Variants in HTR2C observed in about 807,000 individuals in gnomAD.
HTR2C encodes the protein 5-hydroxytryptamine receptor 2C, also known as 5-hydroxytryptamine (serotonin) receptor 2C, G protein-coupled.
A neutral mutation model predicts 21.0 loss-of-function variants in HTR2C; 5 were observed. That is an observed-to-expected ratio of 0.24 (90% CI 0.12 to 0.50). The LOEUF (loss-of-function observed/expected upper bound fraction) is 0.50, where lower values mean the gene tolerates loss of function less well. Ranked by LOEUF, HTR2C falls within the 20% of genes least tolerant of loss-of-function variation. The probability of loss-of-function intolerance (pLI) is 0.98; values close to 1 mark genes in which losing one functional copy is unlikely to be tolerated. For synonymous variants in HTR2C, 150 were observed against 145.3 expected, an observed-to-expected ratio of 1.03 and a Z score of -0.23; for missense variants, 271 against 371.2, an observed-to-expected ratio of 0.73 and a Z score of 2.22.
intron 1 of HTR2C, among the ~76,000 whole-genome samples, chrX:114,610,810 A>T (rs1427202237): frequency 1.8e-5 from 2 of 110,801 alleles, no homozygotes; most frequent in African/African-American, 3.3e-5. Context: ...ATTAGCTGAG[A>T]GGAAAAAAAT....
At chrX:114,749,532 G>A (rs2069741172) in intron 4 of HTR2C, among the ~76,000 whole-genome samples, 1 of 103,237 alleles carries the variant, frequency 9.7e-6, no homozygotes, top group South Asian at 4.4e-4. Flanking sequence ...AAAGCAGACA[G>A]TTACCCTGAA....
intron 2 of HTR2C, among the ~76,000 whole-genome samples, chrX:114,652,098 A>G (rs939011859): frequency 1.8e-5 from 2 of 111,326 alleles, no homozygotes; most frequent in South Asian, 7.5e-4. Flanking sequence ...AAAATTTCAC[A>G]TAATTTCCAG....
At chrX:114,594,662 G>A (rs1055938913) in intron 1 of HTR2C, among the ~76,000 whole-genome samples, 5 of 111,676 alleles carry the variant, frequency 4.5e-5, no homozygotes, top group Non-Finnish European at 9.4e-5. Flanking sequence ...GCTTCAGAAA[G>A]AGAGATTACA....
chrX:114,855,841 G>A (rs1214691977), intron 5 of HTR2C, among the ~76,000 whole-genome samples: 1 of 77,708 alleles, frequency 1.3e-5, no homozygotes, highest in Non-Finnish European at 2.3e-5. Flanking sequence ...TCAGGTCTAA[G>A]TTTTCTTTCT....
chrX:114,807,191 A>G, intron 4 of HTR2C, among the ~76,000 whole-genome samples: 1 of 1,043 alleles, frequency 9.6e-4, no homozygotes, highest in African/African-American at 1.3e-3. Context: ...GTATATATAC[A>G]CCATATATAT....
chrX:114,768,935 C>T (rs1282691000), intron 4 of HTR2C, among the ~76,000 whole-genome samples: 1 of 110,507 alleles, frequency 9.0e-6, no homozygotes, highest in African/African-American at 3.3e-5. Flanking sequence ...TTGAAGTAAA[C>T]AAAAGATCTT....
At chrX:114,784,169 A>G (rs1556441314) in intron 4 of HTR2C, among the ~76,000 whole-genome samples, 1 of 109,500 alleles carries the variant, frequency 9.1e-6, no homozygotes, top group Non-Finnish European at 1.9e-5. Flanking sequence ...CAAACCACTG[A>G]CTAGATTGAT....
intron 4 of HTR2C, among the ~76,000 whole-genome samples, chrX:114,830,666 TTTTA>T (rs201365938): frequency 0.1 from 2,947 of 29,547 alleles, 52 homozygotes; most frequent in Non-Finnish European, 0.14. Flanking sequence ...ATAAACTTTA[TTTTA>T]TTTTTTTATG....
At chrX:114,703,601 G>T (rs1556417385) in intron 2 of HTR2C, among the ~76,000 whole-genome samples, 1 of 111,775 alleles carries the variant, frequency 8.9e-6, no homozygotes, top group Non-Finnish European at 1.9e-5. Flanking sequence ...GCCCACAAGA[G>T]AAAGCAGGAA....
At chrX:114,805,902 T>TATATATACCATATATATATACAC (rs1569495645) in intron 4 of HTR2C, among the ~76,000 whole-genome samples, 2 of 36,392 alleles carry the variant, frequency 5.5e-5, no homozygotes, top group African/African-American at 2.0e-4. Context: ...TATATATACA[T>TATATATACCATATATATATACAC]CATATATATA....
chrX:114,737,795 A>T (rs966660133), intron 4 of HTR2C, among the ~76,000 whole-genome samples: 5 of 111,971 alleles, frequency 4.5e-5, no homozygotes, highest in Non-Finnish European at 7.5e-5. Context: ...TAGAAGAAAT[A>T]GTTATCAAGG....
At chrX:114,874,347 GAGGAACCT>G (rs2071115656) in intron 5 of HTR2C, among the ~76,000 whole-genome samples, 1 of 111,371 alleles carries the variant, frequency 9.0e-6, no homozygotes, top group South Asian at 3.7e-4. Context: ...TTTAAGTTTT[GAGGAACCT>G]TCAAACTGTT....
chrX:114,812,143 G>A (rs2070538235), intron 4 of HTR2C, among the ~76,000 whole-genome samples: 1 of 106,203 alleles, frequency 9.4e-6, no homozygotes, highest in African/African-American at 3.5e-5. Context: ...TTCCCTCCCT[G>A]TGTCCATGTA....
chrX:114,636,661 G>A (rs1238613584), intron 2 of HTR2C, among the ~76,000 whole-genome samples: 4 of 111,713 alleles, frequency 3.6e-5, no homozygotes, highest in Non-Finnish European at 5.6e-5. Flanking sequence ...CAGATATTGT[G>A]TGTGCCTCTA....
chrX:114,597,272 C>T (rs1015840071), intron 1 of HTR2C, among the ~76,000 whole-genome samples: 2 of 103,695 alleles, frequency 1.9e-5, no homozygotes, highest in African/African-American at 7.1e-5. Context: ...CTAAATTATA[C>T]CCGACATTGT....
At chrX:114,644,367 ATAT>A (rs1930270267) in intron 2 of HTR2C, among the ~76,000 whole-genome samples, 1,045 of 48,276 alleles carry the variant, frequency 0.022, 13 homozygotes, top group South Asian at 0.065. Context: ...AAATAAATAT[ATAT>A]ATATATATAT....
chrX:114,660,906 G>T (rs1930962091), intron 2 of HTR2C, among the ~76,000 whole-genome samples: 1 of 112,042 alleles, frequency 8.9e-6, no homozygotes, highest in Admixed American at 9.5e-5. Context: ...AAACCCCAAA[G>T]TTGTGTATTC....
intron 2 of HTR2C, among the ~76,000 whole-genome samples, chrX:114,664,805 C>T (rs1296905402): frequency 9.0e-6 from 1 of 111,718 alleles, no homozygotes; most frequent in Non-Finnish European, 1.9e-5. Context: ...CACTGTCTTC[C>T]ACAATGACTG....
chrX:114,641,519 TA>T (rs1205133323), intron 2 of HTR2C, among the ~76,000 whole-genome samples: 19 of 108,549 alleles, frequency 1.8e-4, no homozygotes, highest in African/African-American at 5.7e-4. Context: ...GTTTTCAAAG[TA>T]AAAAAAAAAT....
Sources: gnomAD v4.1 joint callset for allele counts (sites outside exome capture counted in the v4.1 genomes callset) on GRCh38, gnomAD v4.1.1 for gene constraint, MANE v1.5 for transcripts, NCBI Gene and HGNC (gene_info 2026-07-23, HGNC 2026-07-21) for gene names.